Variants in ACVR1 observed in about 807,000 individuals in gnomAD.
ACVR1 encodes activin receptor type-1.
Under a neutral mutation model 57.1 loss-of-function variants are expected in ACVR1, and 38 were observed. The observed-to-expected ratio is 0.67, with a 90% CI of 0.51 to 0.87. The LOEUF is 0.87. Ranked by LOEUF, ACVR1 falls within the 40% of genes least tolerant of loss-of-function variation. The pLI, the probability that ACVR1 is intolerant of heterozygous loss-of-function variation, is 0.00. For synonymous variants in ACVR1, 212 were observed against 228.1 expected (o/e 0.93, Z 0.63); for missense variants, 463 against 638.2 (o/e 0.73, Z 2.96).
intron 1 of ACVR1, among the ~76,000 whole-genome samples, chr2:157,828,620 C>CA (rs772845911): frequency 2.6e-5 from 4 of 151,920 alleles, no homozygotes; most frequent in Non-Finnish European, 2.9e-5. Context: ...ACTCTGTTTC[C>CA]AAAAAAAGAT....
intron 9 of ACVR1, among the ~76,000 whole-genome samples, chr2:157,743,397 A>G (rs1452284878): frequency 1.3e-5 from 2 of 152,102 alleles, no homozygotes; most frequent in Non-Finnish European, 2.9e-5. Context: ...TGACTCTTCA[A>G]CAAGAATGTG....
At chr2:157,804,334 G>A (rs1355899948) in intron 2 of ACVR1, among the ~76,000 whole-genome samples, 9 of 152,036 alleles carry the variant, frequency 5.9e-5, no homozygotes, top group Admixed American at 2.0e-4. Context: ...CATCACAGAC[G>A]TCAACAAGTC....
At chr2:157,765,488 T>C (rs1685829392) in intron 8 of ACVR1, among the ~76,000 whole-genome samples, 1 of 152,164 alleles carries the variant, frequency 6.6e-6, no homozygotes, top group Admixed American at 6.5e-5. Context: ...AAACTCTGTA[T>C]CTCGACAGGG....
chr2:157,764,265 C>T (rs531273934), intron 8 of ACVR1, among the ~76,000 whole-genome samples: 1 of 152,248 alleles, frequency 6.6e-6, no homozygotes, highest in East Asian at 1.9e-4. Flanking sequence ...TCACTGCAAC[C>T]TCCGCCTCCT....
chr2:157,760,308 G>A (rs774894400), intron 9 of ACVR1, among the ~76,000 whole-genome samples: 1 of 152,098 alleles, frequency 6.6e-6, no homozygotes, highest in African/African-American at 2.4e-5. Flanking sequence ...ATAGGGGTGA[G>A]GATAGCAGTG....
chr2:157,835,445 A>G (rs1359849369), intron 1 of ACVR1, among the ~76,000 whole-genome samples: 1 of 152,232 alleles, frequency 6.6e-6, no homozygotes, highest in Non-Finnish European at 1.5e-5. Flanking sequence ...TATTAATATT[A>G]TTGATGCTCT....
At chr2:157,762,881 G>T (rs989322411) in intron 8 of ACVR1, among the ~76,000 whole-genome samples, 2 of 152,118 alleles carry the variant, frequency 1.3e-5, no homozygotes, top group African/African-American at 4.8e-5. Flanking sequence ...TCACAGAGTT[G>T]GAAACTCCAG....
At chr2:157,804,986 C>A (rs1008348615) in intron 2 of ACVR1, among the ~76,000 whole-genome samples, 1 of 152,302 alleles carries the variant, frequency 6.6e-6, no homozygotes, top group East Asian at 1.9e-4. Context: ...CTAGATAAAG[C>A]CACAGATACC....
intron 1 of ACVR1, among the ~76,000 whole-genome samples, chr2:157,847,373 G>C (rs1689157167): frequency 6.6e-6 from 1 of 151,946 alleles, no homozygotes; most frequent in Non-Finnish European, 1.5e-5. Context: ...GGAAGATGTT[G>C]ATAATATCAA....
intron 6 of ACVR1, among the ~76,000 whole-genome samples, chr2:157,773,819 G>A (rs1409502154): frequency 2.6e-5 from 4 of 152,036 alleles, no homozygotes; most frequent in Non-Finnish European, 5.9e-5. Flanking sequence ...CATTTTTTGG[G>A]CATTCTCTCA....
In ACVR1 at chr2:157,869,976, A is replaced by T. The variant is rs530017501; in HGVS notation, c.-183+5820T>A. On this transcript the variant is annotated intron_variant, in intron 1 of 10. Coordinates refer to ENST00000434821, the MANE Select transcript of ACVR1 (RefSeq NM_001111067.4). ...TGCCTTTATGGTCATGTTTGCTTAT[A>T]TGCATTAACTCACTACTTACAGAGA... Among the ~76,000 whole-genome samples, 3 of 152,346 alleles carry T rather than the reference A, an allele frequency of 2.0e-5. No individual in the cohort carries two copies. The South Asian group carries it at 6.2e-4, about 32-fold the overall frequency.
At chr2:157,857,985 A>C (rs893943508) in intron 1 of ACVR1, among the ~76,000 whole-genome samples, 1 of 151,676 alleles carries the variant, frequency 6.6e-6, no homozygotes, top group African/African-American at 2.4e-5. Flanking sequence ...AAACAAACCC[A>C]TATTTATTCC....
rs370028017 is a variant in ACVR1, at chr2:157,780,475, C to T, written c.193G>A (p.Val65Ile). 13 of 1,614,120 alleles carry T rather than the reference C, an allele frequency of 8.1e-6. No homozygotes were observed. Among genetic ancestry groups the T allele is most frequent in the African/African-American group, 2.7e-5 (2 of 75,010 alleles). Reference sequence around the variant, plus strand: ...ACCTGGAAGCAGCCTTTCTGGTAGACGTGGAAGCCATCGTTGATGCTCAGT... The same window carrying T: ...ACCTGGAAGCAGCCTTTCTGGTAGATGTGGAAGCCATCGTTGATGCTCAGT... The part of the protein sequence containing the change: ...SSLSINDGFH[V>I]YQKGCFQVYE... The change falls in exon 4 of 11, where the codon GTC becomes ATC. Residue 65 changes from valine to isoleucine, a missense_variant. Physicochemically the swap from Val to Ile is conservative, Grantham distance 29 (BLOSUM62 3). Transcript: ENST00000434821.
chr2:157,763,196 A>G (rs1299287577), intron 8 of ACVR1, among the ~76,000 whole-genome samples: 1 of 152,226 alleles, frequency 6.6e-6, no homozygotes, highest in Non-Finnish European at 1.5e-5. Context: ...TAGATATGAA[A>G]AACTGATTAT....
chr2:157,830,756 AT>A (rs796072885), intron 1 of ACVR1, among the ~76,000 whole-genome samples: 7 of 150,052 alleles, frequency 4.7e-5, no homozygotes, highest in African/African-American at 1.5e-4. Flanking sequence ...AAAAAATGTA[AT>A]TTTTTCCCAG....
At chr2:157,760,558 T>G (rs1024061784) in intron 9 of ACVR1, among the ~76,000 whole-genome samples, 8 of 152,176 alleles carry the variant, frequency 5.3e-5, no homozygotes, top group Non-Finnish European at 7.3e-5. Flanking sequence ...AAATATCACA[T>G]GTACCCCATA....
intron 9 of ACVR1, among the ~76,000 whole-genome samples, chr2:157,757,671 A>G (rs1267163310): frequency 1.3e-5 from 2 of 151,958 alleles, no homozygotes; most frequent in African/African-American, 4.8e-5. Flanking sequence ...TTTCCAAATG[A>G]AGGAAAAATA....
At chr2:157,779,303 C>A (rs1023304154) in intron 4 of ACVR1, among the ~76,000 whole-genome samples, 1 of 152,204 alleles carries the variant, frequency 6.6e-6, no homozygotes, top group Non-Finnish European at 1.5e-5. Context: ...ATTTAACTCA[C>A]AAAGTATAAC....
chr2:157,839,991 A>G lies in ACVR1; in HGVS notation c.-182-21432T>C, dbSNP rs187077588. On this transcript the variant is annotated intron_variant, in intron 1 of 10. Coordinates refer to ENST00000434821, the MANE Select transcript of ACVR1 (RefSeq NM_001111067.4). ...CATGCTGAGGTGTGGTTGAAAACCA[A>G]TCATCACACTGCACTGGATTCCAGG... Among the ~76,000 whole-genome samples the G allele has an allele frequency of 4.5e-4, 69 of 152,292 alleles. 1 individual carries two copies. In the South Asian group the frequency reaches 0.013, roughly 29 times the overall value.
Sources: allele counts gnomAD v4.1 joint callset (sites outside exome capture counted in the v4.1 genomes callset), GRCh38; gene constraint gnomAD v4.1.1; transcripts MANE v1.5; gene names NCBI Gene and HGNC (gene_info 2026-07-23, HGNC 2026-07-21).